The following FBXL17 variants were observed in gnomAD, a reference collection of about 807,000 sequenced individuals.
FBXL17 encodes the protein F-box/LRR-repeat protein 17.
FBXL17 carries 22 observed loss-of-function variants against 66.2 expected under a neutral mutation model. The ratio of observed to expected loss-of-function variants is 0.33; its 90% confidence interval spans 0.24 to 0.47. The LOEUF is 0.47. FBXL17 is among the 20% of genes least tolerant of loss of function. The pLI, the probability that FBXL17 is intolerant of heterozygous loss-of-function variation, is 1.00. For missense variants in FBXL17, 878 were observed against 948.2 expected, an observed-to-expected ratio of 0.93 and a Z score of 0.97; for synonymous variants, 474 against 400.5, an observed-to-expected ratio of 1.18 and a Z score of -2.19.
intron 4 of FBXL17, among the ~76,000 whole-genome samples, chr5:108,323,898 T>C (rs910595411): frequency 1.3e-5 from 2 of 151,986 alleles, no homozygotes; most frequent in African/African-American, 2.4e-5. Flanking sequence ...ATGAATGAAG[T>C]TGGACCTTTA....
intron 4 of FBXL17, among the ~76,000 whole-genome samples, chr5:108,337,917 CT>C (rs1746614791): frequency 6.6e-6 from 1 of 151,944 alleles, no homozygotes; most frequent in Non-Finnish European, 1.5e-5. Flanking sequence ...ACCTTTCACA[CT>C]TTTTTCCATT....
intron 6 of FBXL17, among the ~76,000 whole-genome samples, chr5:108,055,278 T>TAGAAA (rs1561388103): frequency 3.9e-4 from 29 of 75,212 alleles, no homozygotes; most frequent in African/African-American, 1.5e-3. Context: ...ATAGAATTTT[T>TAGAAA]AGAAAAAAAA....
chr5:108,277,135 G>C (rs1757516053), intron 4 of FBXL17, among the ~76,000 whole-genome samples: 1 of 151,930 alleles, frequency 6.6e-6, no homozygotes, highest in Non-Finnish European at 1.5e-5. Flanking sequence ...CTTTTATATA[G>C]AGTTATGTTA....
At chr5:108,023,210 A>G (rs1754664788) in intron 6 of FBXL17, among the ~76,000 whole-genome samples, 1 of 152,188 alleles carries the variant, frequency 6.6e-6, no homozygotes, top group Non-Finnish European at 1.5e-5. Context: ...GTACAACATA[A>G]AATTATTCCT....
At chr5:108,322,006 C>A (rs1759642465) in intron 4 of FBXL17, among the ~76,000 whole-genome samples, 1 of 151,848 alleles carries the variant, frequency 6.6e-6, no homozygotes, top group African/African-American at 2.4e-5. Context: ...GATACCACTT[C>A]TTGACTGTCA....
rs376458454 is a variant in FBXL17, at chr5:108,009,298, T to C, written c.1822+11627A>G. 1.9e-3 allele frequency among the ~76,000 whole-genome samples: 136 copies of C among 71,408 alleles called. 21 individuals carry two copies. Among genetic ancestry groups the C allele is most frequent in the South Asian group, 8.9e-3 (19 of 2,128 alleles). The allele number at this position is 71,408 out of a possible 152,430, so 46.8% of individuals were successfully genotyped here. A position where few individuals can be genotyped will look rare whatever the true frequency, so the allele number is the denominator to read the frequency against. On this transcript the variant is annotated intron_variant, in intron 7 of 8. Coordinates refer to ENST00000542267, the MANE Select transcript of FBXL17 (RefSeq NM_001163315.3). ...ATATATATATATATATATATATATA[T>C]ATACATATATACATACACATATAGT...
rs185932503 is a variant in FBXL17 at position 108,112,615 on chromosome 5, A to G, written c.1745+73502T>C. Among the ~76,000 whole-genome samples, 7 of 152,330 alleles carry G rather than the reference A, an allele frequency of 4.6e-5. No homozygotes were observed. In the East Asian group the frequency reaches 1.2e-3, roughly 25 times the overall value. ...AAAACATATCCCATGAGGAGAAAAA[A>G]CAATCAATATAAATAGACATATAAA... On this transcript the variant is annotated intron_variant, in intron 6 of 8. Coordinates refer to ENST00000542267, the MANE Select transcript of FBXL17 (RefSeq NM_001163315.3).
chr5:108,214,667 G>T, intron 5 of FBXL17, among the ~76,000 whole-genome samples: 1 of 151,878 alleles, frequency 6.6e-6, no homozygotes, highest in East Asian at 1.9e-4. Flanking sequence ...ACCGCACCTG[G>T]CCCGATTTAT....
chr5:107,941,059 T>C (rs906827176), intron 7 of FBXL17, among the ~76,000 whole-genome samples: 5 of 152,008 alleles, frequency 3.3e-5, no homozygotes, highest in African/African-American at 1.2e-4. Context: ...ATTCAGGATA[T>C]TTCACCTAAG....
chr5:108,043,198 G>C (rs922124653), intron 6 of FBXL17, among the ~76,000 whole-genome samples: 11 of 152,026 alleles, frequency 7.2e-5, no homozygotes, highest in African/African-American at 2.7e-4. Context: ...TATTAAAAGG[G>C]TCTTTCACAT....
At chr5:108,077,127 T>C (rs1748584035) in intron 6 of FBXL17, among the ~76,000 whole-genome samples, 1 of 152,190 alleles carries the variant, frequency 6.6e-6, no homozygotes, top group Admixed American at 6.5e-5. Context: ...AGTCTGATGG[T>C]AAATACTTGG....
intron 3 of FBXL17, among the ~76,000 whole-genome samples, chr5:108,356,248 C>T (rs1747979143): frequency 6.6e-6 from 1 of 151,968 alleles, no homozygotes; most frequent in African/African-American, 2.4e-5. Context: ...TAAAAAATGA[C>T]AGAACTAGAA....
At chr5:108,067,262 A>G (rs1468699568) in intron 6 of FBXL17, among the ~76,000 whole-genome samples, 3 of 152,166 alleles carry the variant, frequency 2.0e-5, no homozygotes, top group Non-Finnish European at 4.4e-5. Flanking sequence ...CAGACTTAAT[A>G]TCTACTTCGT....
chr5:108,229,953 G>A (rs1390509608), intron 4 of FBXL17, among the ~76,000 whole-genome samples: 1 of 151,888 alleles, frequency 6.6e-6, no homozygotes, highest in East Asian at 1.9e-4. Context: ...AATGGCCAAC[G>A]AATACATGAA....
intron 7 of FBXL17, among the ~76,000 whole-genome samples, chr5:107,893,158 A>T (rs756478819): frequency 6.6e-6 from 1 of 152,166 alleles, no homozygotes; most frequent in Non-Finnish European, 1.5e-5. Flanking sequence ...AAAAGAAAGC[A>T]CAAGAGGAAG....
At chr5:108,015,557 A>C in intron 7 of FBXL17, among the ~76,000 whole-genome samples, 1 of 152,210 alleles carries the variant, frequency 6.6e-6, no homozygotes, top group East Asian at 1.9e-4. Flanking sequence ...CATGCCTAAT[A>C]ACATAAAACA....
At chr5:108,380,572 TG>T in intron 1 of FBXL17, 126 bp downstream of exon 1, 1 of 508,528 alleles carries the variant, frequency 2.0e-6, no homozygotes, top group Non-Finnish European at 3.1e-6. Flanking sequence ...AGTCTCCCCT[TG>T]GGACGTCCCT....
chr5:108,351,723 T>A (rs976780118), intron 3 of FBXL17, among the ~76,000 whole-genome samples: 1 of 152,206 alleles, frequency 6.6e-6, no homozygotes, highest in Non-Finnish European at 1.5e-5. Context: ...ACTTATCAAT[T>A]TGATAACATC....
intron 6 of FBXL17, among the ~76,000 whole-genome samples, chr5:108,185,365 G>A (rs1053822569): frequency 5.3e-5 from 8 of 152,152 alleles, no homozygotes; most frequent in Admixed American, 1.3e-4. Context: ...ACAAGAACTG[G>A]ATGTCTAAAA....
Sources: gnomAD v4.1 joint callset for allele counts (sites outside exome capture counted in the v4.1 genomes callset) on GRCh38, gnomAD v4.1.1 for gene constraint, MANE v1.5 for transcripts, NCBI Gene and HGNC (gene_info 2026-07-23, HGNC 2026-07-21) for gene names.